MRE11: variants seen among roughly 807,000 people sequenced by gnomAD.
MRE11 encodes the protein double-strand break repair protein MRE11.
MRE11 carries 62 observed loss-of-function variants against 91.7 expected under a neutral mutation model. The observed-to-expected ratio is 0.68, with a 90% CI of 0.55 to 0.84. The LOEUF (loss-of-function observed/expected upper bound fraction) is 0.84. MRE11 is among the 40% of genes least tolerant of loss of function. The pLI, the probability that MRE11 is intolerant of heterozygous loss-of-function variation, is 0.00. For missense variants in MRE11, 796 were observed against 852.9 expected (o/e 0.93, Z 0.83); for synonymous variants, 273 against 271.4 (o/e 1.01, Z -0.06).
At chr11:94,462,492 C>G (rs1038790184) in intron 11 of MRE11, among the ~76,000 whole-genome samples, 6 of 152,132 alleles carry the variant, frequency 3.9e-5, no homozygotes, top group African/African-American at 1.4e-4. Context: ...GCAAAAAGAT[C>G]AAAGCTCGAG....
chr11:94,468,713 A>AT (rs1194309794), intron 9 of MRE11, among the ~76,000 whole-genome samples: 1 of 152,182 alleles, frequency 6.6e-6, no homozygotes, highest in Non-Finnish European at 1.5e-5. Context: ...TTCTGCAATA[A>AT]TTTTTTCTAT....
chr11:94,441,371 G>C (rs971931481), intron 16 of MRE11, among the ~76,000 whole-genome samples: 1 of 152,128 alleles, frequency 6.6e-6, no homozygotes, highest in Non-Finnish European at 1.5e-5. Flanking sequence ...TATGACTTGT[G>C]GTGCCCTACA....
chr11:94,480,585 T>C (rs1354365949), intron 4 of MRE11, among the ~76,000 whole-genome samples: 2 of 152,244 alleles, frequency 1.3e-5, no homozygotes, highest in Non-Finnish European at 2.9e-5. Context: ...TGAGTCGACC[T>C]GTAAAGGAAT....
chr11:94,505,552 G>A, the MRE11 span, among the ~76,000 whole-genome samples: 19 of 152,100 alleles, frequency 1.2e-4, no homozygotes, highest in Non-Finnish European at 2.1e-4. Flanking sequence ...TAAACTAAGT[G>A]TTATTACAAG....
chr11:94,506,303 C>G, the MRE11 span, among the ~76,000 whole-genome samples: 2 of 150,900 alleles, frequency 1.3e-5, no homozygotes, highest in African/African-American at 4.9e-5. Flanking sequence ...AGCAAATGTA[C>G]CCCTGAACCT....
rs372411821 is a variant in MRE11 at position 94,467,815 on chromosome 11, G to T, written c.1096C>A (p.Arg366=). Residue 366 remains arginine, a splice_region_variant and synonymous_variant, in exon 10 of 20, where the codon CGA becomes AGA. Coordinates refer to ENST00000323929, the MANE Select transcript of MRE11 (RefSeq NM_005591.4). The part of the protein sequence containing the change: ...HQPEKPLVRL[R]VDYSGGFEPF... ...CAATCTATATAAATAGGACTTACTC[G>T]CAGTCGTACAAGAGGCTTCTCTGGC... 2.5e-6 allele frequency: 4 copies of T among 1,607,926 alleles called. No individual in the cohort carries two copies. The East Asian group carries it at 8.9e-5, about 36-fold the overall frequency.
chr11:94,494,025 C>T (rs1947368909), upstream of MRE11: 1 of 152,376 alleles, frequency 6.6e-6, no homozygotes, highest in Admixed American at 6.5e-5. Context: ...GGCGATTTTC[C>T]CTTCTGTCAG....
At chr11:94,476,432 T>C (rs773856882) in intron 6 of MRE11, 29 bp from the exon 7 acceptor site, 36 of 1,450,728 alleles carry the variant, frequency 2.5e-5, no homozygotes, top group Admixed American at 1.2e-4. Flanking sequence ...TATTTTTAAA[T>C]TGTTTTCTTA....
chr11:94,427,614 G>A (rs535054500), intron 19 of MRE11, among the ~76,000 whole-genome samples: 2 of 152,162 alleles, frequency 1.3e-5, no homozygotes, highest in East Asian at 1.9e-4. Flanking sequence ...CTTTGCTGAC[G>A]ATATGATTCT....
rs1193703536 is a variant in MRE11, at chr11:94,425,898, C to T, written c.2070+4013G>A. Among the ~76,000 whole-genome samples the T allele has an allele frequency of 2.0e-5, 3 of 152,042 alleles. No homozygotes were observed. In the East Asian group the frequency reaches 5.8e-4, roughly 29 times the overall value. ...GAGTAATAGTGGGAGGCTTCAACAC[C>T]CCACTGACAGTGTTAGAAAGAACAT... On this transcript the variant is annotated intron_variant, in intron 19 of 19. Coordinates refer to ENST00000323929, the MANE Select transcript of MRE11 (RefSeq NM_005591.4).
the MRE11 span, among the ~76,000 whole-genome samples, chr11:94,500,422 C>T: frequency 6.6e-6 from 1 of 152,200 alleles, no homozygotes; most frequent in African/African-American, 2.4e-5. Flanking sequence ...CTTTCCAGAG[C>T]ATTCACTAGA....
intron 14 of MRE11, among the ~76,000 whole-genome samples, chr11:94,451,764 C>T (rs2134940495): frequency 6.6e-6 from 1 of 152,134 alleles, no homozygotes; most frequent in South Asian, 2.1e-4. Flanking sequence ...CTGATTTAAA[C>T]AAATAAGCTG....
At chr11:94,479,611 C>A in intron 5 of MRE11, 63 bp downstream of exon 5, 1 of 1,430,444 alleles carries the variant, frequency 7.0e-7, no homozygotes. Flanking sequence ...GGCATGCTTT[C>A]CACAGACAAA....
At chr11:94,429,345 GGAAAA>G (rs1945403431) in intron 19 of MRE11, among the ~76,000 whole-genome samples, 1 of 152,026 alleles carries the variant, frequency 6.6e-6, no homozygotes, top group African/African-American at 2.4e-5. Flanking sequence ...TATAACCAAA[GGAAAA>G]GAAATCATTC....
chr11:94,487,348 C>T (rs1052652817), intron 3 of MRE11, among the ~76,000 whole-genome samples: 1 of 152,146 alleles, frequency 6.6e-6, no homozygotes, highest in African/African-American at 2.4e-5. Context: ...GAAAAGAACA[C>T]GACTCACTTC....
chr11:94,488,565 A>G (rs951790856), intron 3 of MRE11, among the ~76,000 whole-genome samples: 5 of 152,238 alleles, frequency 3.3e-5, no homozygotes, highest in African/African-American at 7.2e-5. Context: ...ATGCCCATCA[A>G]TGGTAGACTG....
intron 14 of MRE11, among the ~76,000 whole-genome samples, chr11:94,452,467 A>C (rs181156777): frequency 6.6e-6 from 1 of 152,304 alleles, no homozygotes; most frequent in East Asian, 1.9e-4. Context: ...AATGGTGAGA[A>C]TATAAACTAG....
At chr11:94,471,912 C>T (rs983012486) in intron 7 of MRE11, among the ~76,000 whole-genome samples, 153 bp from the exon 8 acceptor site, 2 of 152,026 alleles carry the variant, frequency 1.3e-5, no homozygotes, top group Non-Finnish European at 1.5e-5. Context: ...ATGTAAAGAT[C>T]ATCAATGCTA....
intron 7 of MRE11, 150 bp downstream of exon 7, chr11:94,476,139 A>G (rs1352606370): frequency 4.8e-6 from 3 of 630,226 alleles, no homozygotes; most frequent in Non-Finnish European, 8.5e-6. Context: ...CAATTTCAAA[A>G]TGAAATCACA....
Sources: allele counts gnomAD v4.1 joint callset (sites outside exome capture counted in the v4.1 genomes callset), GRCh38; gene constraint gnomAD v4.1.1; transcripts MANE v1.5; gene names NCBI Gene and HGNC (gene_info 2026-07-23, HGNC 2026-07-21).